RCC2: variants seen among roughly 807,000 people sequenced by gnomAD.
The protein encoded by RCC2 is regulator of chromosome condensation 2.
Under a neutral mutation model 64.1 loss-of-function variants are expected in RCC2, and 19 were observed. That is an observed-to-expected ratio of 0.30 (90% CI 0.21 to 0.44). The LOEUF (loss-of-function observed/expected upper bound fraction) is 0.44, where lower values mean the gene tolerates loss of function less well. Ranked by LOEUF, RCC2 falls within the 20% of genes least tolerant of loss-of-function variation. The probability of loss-of-function intolerance (pLI) is 1.00; values close to 1 mark genes in which losing one functional copy is unlikely to be tolerated. For synonymous variants in RCC2, 325 were observed against 279.6 expected (o/e 1.16, Z -1.62); for missense variants, 508 against 710.4 (o/e 0.72, Z 3.24).
At chr1:17,419,661 A>G (rs563304072) in intron 7 of RCC2, among the ~76,000 whole-genome samples, 16 of 152,330 alleles carry the variant, frequency 1.1e-4, no homozygotes, top group African/African-American at 3.8e-4. Flanking sequence ...CTGCTCCATG[A>G]AAGTGAGCCG....
intron 4 of RCC2, among the ~76,000 whole-genome samples, chr1:17,423,770 G>A (rs987265214): frequency 6.6e-6 from 1 of 152,256 alleles, no homozygotes. Flanking sequence ...GTGGTGAGAA[G>A]TCAGGGCAAT....
chr1:17,438,530 G>A lies in RCC2; in HGVS notation c.-8-8C>T. 7.5e-7 allele frequency: 1 copy of A among 1,326,834 alleles called. No individual in the cohort carries two copies. Among genetic ancestry groups the A allele is most frequent in the Non-Finnish European group, 9.6e-7 (1 of 1,040,070 alleles). 82.2% of individuals were successfully genotyped at this position (1,326,834 alleles called of 1,614,324 possible). ...TCCTGGGCATGGTCGCGGCTGGAGG[G>A]AGACACGGGGCAGCGGCGCACAATG... On this transcript the variant is annotated splice_region_variant and splice_polypyrimidine_tract_variant and intron_variant, in intron 1 of 12. Coordinates refer to ENST00000375436, the MANE Select transcript of RCC2 (RefSeq NM_018715.4).
intron 4 of RCC2, among the ~76,000 whole-genome samples, chr1:17,424,660 A>G (rs181210061): frequency 6.6e-6 from 1 of 152,356 alleles, no homozygotes; most frequent in Admixed American, 6.5e-5. Flanking sequence ...TGAAATCACA[A>G]AAAACGGTTC....
intron 6 of RCC2, 36 bp from the exon 7 acceptor site, chr1:17,420,864 A>G: frequency 7.4e-7 from 1 of 1,353,636 alleles, no homozygotes; most frequent in Non-Finnish European, 1.0e-6. Context: ...CATTTTTTTT[A>G]AAGACTGATA....
rs1157205185 is a variant in RCC2 at position 17,408,507 on chromosome 1, T to A, written c.*583A>T. 1 of 152,914 alleles carries A rather than the reference T, an allele frequency of 6.5e-6. No homozygotes were observed. Among genetic ancestry groups the A allele is most frequent in the African/African-American group, 2.4e-5 (1 of 41,444 alleles). 9.5% of individuals were successfully genotyped at this position (152,914 alleles called of 1,614,324 possible). On this transcript the variant is annotated 3_prime_UTR_variant, in exon 13 of 13. Transcript: ENST00000375436. ...TGTCGCAGCCAGAAGGCTGTGGGCG[T>A]ACAGGCAGCCAAGGGGAGAAACAGA...
rs1466935134 is a variant in RCC2, at chr1:17,416,423, T to TA, written c.1026+56dup. The TA allele has an allele frequency of 2.6e-6, 4 of 1,548,250 alleles. No individual in the cohort carries two copies. The East Asian group carries it at 6.8e-5, about 26-fold the overall frequency. ...AGCCAAGCGTCAGGAAACTTGAGCA[T>TA]AAACACCCCTTCCATCCTGGTGCGA... On this transcript the variant is annotated intron_variant, in intron 8 of 12. Coordinates refer to ENST00000375436, the MANE Select transcript of RCC2 (RefSeq NM_018715.4).
intron 3 of RCC2, among the ~76,000 whole-genome samples, chr1:17,427,615 G>A (rs1044688426): frequency 4.6e-5 from 7 of 152,130 alleles, no homozygotes; most frequent in African/African-American, 1.4e-4. Flanking sequence ...ACGACCCTGT[G>A]CCGCAACACA....
Position 17,425,564 on chromosome 1 carries a change from G to A in RCC2, c.500C>T (p.Thr167Met), listed in dbSNP as rs756690967. 1 of 1,613,278 alleles carries A rather than the reference G, an allele frequency of 6.2e-7. No individual in the cohort carries two copies. The highest frequency in any genetic ancestry group is 8.5e-7 in the Non-Finnish European group (1 of 1,179,554). Residue 167 changes from threonine (T) to methionine (M), a missense_variant, in exon 4 of 13, where the codon ACG (threonine) becomes ATG (methionine). Physicochemically the swap from Thr to Met is moderately conservative, Grantham distance 81. Transcript: ENST00000375436. ...ACCCCAGCTCCACAGCTTCCCTTCC[G>A]TGGTGATGAGGAGGCTGTGTGCAGC... ...SCAAHSLLITTEGKLWSWGRN... is the reference protein window; with the variant it reads ...SCAAHSLLITMEGKLWSWGRN...
chr1:17,437,537 G>A (rs758949553), intron 2 of RCC2, among the ~76,000 whole-genome samples: 36 of 152,124 alleles, frequency 2.4e-4, no homozygotes, highest in Non-Finnish European at 5.1e-4. Flanking sequence ...CAGGACCCTA[G>A]GAGATGCTTC....
chr1:17,408,687 C>T lies in RCC2; in HGVS notation c.*403G>A, dbSNP rs1046825250. The T allele has an allele frequency of 6.0e-6, 1 of 168,052 alleles. No homozygotes were observed. Among genetic ancestry groups the T allele is most frequent in the Non-Finnish European group, 1.3e-5 (1 of 78,586 alleles). 10.4% of individuals were successfully genotyped at this position (168,052 alleles called of 1,614,324 possible). On this transcript the variant is annotated 3_prime_UTR_variant, in exon 13 of 13. Coordinates refer to ENST00000375436, the MANE Select transcript of RCC2 (RefSeq NM_018715.4). ...AGGGACATTTTTTCTGAGTAAATGG[C>T]GATTCCTCTTCCATGTGGCATCTGC... is the stretch of plus-strand genomic sequence containing the variant.
At position 17,430,970 on chromosome 1, in the gene RCC2, G is replaced by A. The variant is rs150382370; in HGVS notation, c.286-1771C>T. ...TGACCGCAGGTGATCCACCCACCTT[G>A]GCCTCCCAAAGTGCCGATAAAATGC... is the stretch of plus-strand genomic sequence containing the variant. On this transcript the variant is annotated intron_variant, in intron 2 of 12. Transcript: ENST00000375436. 2.0e-3 allele frequency among the ~76,000 whole-genome samples: 299 copies of A among 151,892 alleles called. 2 individuals are homozygous for A. The highest frequency in any genetic ancestry group is 6.7e-3 in the African/African-American group (278 of 41,498).
intron 4 of RCC2, among the ~76,000 whole-genome samples, chr1:17,424,783 C>T (rs2075595101): frequency 6.6e-6 from 1 of 152,148 alleles, no homozygotes; most frequent in Admixed American, 6.5e-5. Flanking sequence ...GGCCGGGAGT[C>T]ACCAAAAGGG....
intron 7 of RCC2, among the ~76,000 whole-genome samples, chr1:17,419,259 C>T (rs2075524406): frequency 6.6e-6 from 1 of 151,968 alleles, no homozygotes; most frequent in Admixed American, 6.6e-5. Flanking sequence ...CTTGGGAGAC[C>T]GAGGCAGGAG....
chr1:17,438,206 C>G, intron 2 of RCC2, 24 bp downstream of exon 2: 1 of 1,212,194 alleles, frequency 8.2e-7, no homozygotes, highest in Admixed American at 3.4e-5. Context: ...CTGCGCCCAC[C>G]CGTCTACCCT....
At chr1:17,426,759 C>T (rs984525098) in intron 3 of RCC2, among the ~76,000 whole-genome samples, 2 of 110,002 alleles carry the variant, frequency 1.8e-5, no homozygotes, top group African/African-American at 7.0e-5. Context: ...TCTTACTTTT[C>T]TTTTTTTTTT....
At chr1:17,424,761 G>A (rs530220378) in intron 4 of RCC2, among the ~76,000 whole-genome samples, 71 of 152,296 alleles carry the variant, frequency 4.7e-4, no homozygotes, top group African/African-American at 1.2e-3. Context: ...AATATGCCCC[G>A]CTGGAGGCAG....
rs934305435 is a variant in RCC2, at chr1:17,407,355, G to A, written c.*1735C>T. On this transcript the variant is annotated 3_prime_UTR_variant, in exon 13 of 13. Transcript: ENST00000375436. ...ATTCCAGGAAAGAGACCTGTCCAGG[G>A]AAACGGATCAGGCTGTCGCATGGAA... 17 of 152,276 alleles carry A rather than the reference G, an allele frequency of 1.1e-4. No homozygotes were observed. The highest frequency in any genetic ancestry group is 3.9e-4 in the African/African-American group (16 of 41,456). 9.4% of individuals were successfully genotyped at this position (152,276 alleles called of 1,614,324 possible). A position where few individuals can be genotyped will look rare whatever the true frequency, so the allele number is the denominator to read the frequency against.
At position 17,408,276 on chromosome 1, in the gene RCC2, G is replaced by C. The variant is rs139598727; in HGVS notation, c.*814C>G. The C allele has an allele frequency of 6.6e-6, 1 of 152,260 alleles. No homozygotes were observed. Among genetic ancestry groups the C allele is most frequent in the African/African-American group, 2.4e-5 (1 of 41,452 alleles). 9.4% of individuals were successfully genotyped at this position (152,260 alleles called of 1,614,324 possible). ...TCCATCTCTTAATTGGCGAGTGCGCGTGACAAGGCTCAGCCCTGGCTCCAC... is the reference window on the plus strand; with the variant it reads ...TCCATCTCTTAATTGGCGAGTGCGCCTGACAAGGCTCAGCCCTGGCTCCAC... On this transcript the variant is annotated 3_prime_UTR_variant, in exon 13 of 13. Coordinates refer to ENST00000375436, the MANE Select transcript of RCC2 (RefSeq NM_018715.4).
At chr1:17,429,971 C>T (rs954354005) in intron 2 of RCC2, among the ~76,000 whole-genome samples, 1 of 152,174 alleles carries the variant, frequency 6.6e-6, no homozygotes, top group African/African-American at 2.4e-5. Flanking sequence ...CGAAAATCTA[C>T]GCCATTTAAA....
Sources: gnomAD v4.1 joint callset for allele counts (sites outside exome capture counted in the v4.1 genomes callset) on GRCh38, gnomAD v4.1.1 for gene constraint, MANE v1.5 for transcripts, NCBI Gene and HGNC (gene_info 2026-07-23, HGNC 2026-07-21) for gene names.